SLC25A37: variants seen among roughly 807,000 people sequenced by gnomAD.
The protein encoded by SLC25A37 is mitoferrin-1.
Under a neutral mutation model 31.0 loss-of-function variants are expected in SLC25A37, and 17 were observed. That is an observed-to-expected ratio of 0.55 (90% CI 0.38 to 0.82). The LOEUF (loss-of-function observed/expected upper bound fraction) is 0.82, where lower values mean the gene tolerates loss of function less well. SLC25A37 is among the 40% of genes least tolerant of loss of function. The pLI, the probability that SLC25A37 is intolerant of heterozygous loss-of-function variation, is 0.00. For missense variants in SLC25A37, 404 were observed against 465.8 expected (o/e 0.87, Z 1.22); for synonymous variants, 222 against 193.0 (o/e 1.15, Z -1.24).
intron 1 of SLC25A37, among the ~76,000 whole-genome samples, chr8:23,550,630 C>G (rs182140444): frequency 6.6e-6 from 1 of 152,192 alleles, no homozygotes. Context: ...ACAGCTTACG[C>G]GCAGCTAGGT....
chr8:23,532,243 G>A (rs781496034), intron 1 of SLC25A37, among the ~76,000 whole-genome samples: 1 of 152,318 alleles, frequency 6.6e-6, no homozygotes, highest in African/African-American at 2.4e-5. Flanking sequence ...ATCCATAAAG[G>A]GCCAGTCTAC....
intron 1 of SLC25A37, among the ~76,000 whole-genome samples, chr8:23,550,878 G>T (rs982700650): frequency 2.0e-5 from 3 of 152,244 alleles, no homozygotes; most frequent in East Asian, 3.9e-4. Flanking sequence ...CTCCAGGGCT[G>T]CTGTGGAGCA....
In SLC25A37 at chr8:23,571,585, G is replaced by A. The variant is rs1802841866; in HGVS notation, c.747G>A (p.Ala249=). The A allele has an allele frequency of 1.9e-6, 3 of 1,613,598 alleles. No homozygotes were observed. Among genetic ancestry groups the A allele is most frequent in the African/African-American group, 2.7e-5 (2 of 74,898 alleles). ...ISGGLAGALA[A]AATTPLDVCK... The stretch of plus-strand genomic sequence containing the variant: ...GCGGGCTGGCCGGGGCCCTCGCCGC[G>A]GCCGCCACGACCCCCCTGGACGTCT... Residue 249 remains alanine (A), a synonymous_variant, in exon 4 of 4, where the codon GCG becomes GCA. Coordinates refer to ENST00000519973, the MANE Select transcript of SLC25A37 (RefSeq NM_016612.4).
intron 1 of SLC25A37, among the ~76,000 whole-genome samples, chr8:23,532,400 C>G (rs975815614): frequency 6.6e-6 from 1 of 152,158 alleles, no homozygotes; most frequent in Non-Finnish European, 1.5e-5. Context: ...TTCCATGAGC[C>G]TCTTTCTGGT....
chr8:23,549,148 A>G (rs1585185721), intron 1 of SLC25A37, among the ~76,000 whole-genome samples: 1 of 152,330 alleles, frequency 6.6e-6, no homozygotes, highest in African/African-American at 2.4e-5. Context: ...CAAAGACGAC[A>G]CCTGCTCCCT....
intron 1 of SLC25A37, among the ~76,000 whole-genome samples, chr8:23,545,598 T>G (rs1002779883): frequency 3.1e-4 from 47 of 152,334 alleles, no homozygotes; most frequent in African/African-American, 1.1e-3. Flanking sequence ...AAAATCTCTT[T>G]GCTGGGTGCT....
At chr8:23,546,598 GTGT>G (rs1802070199) in intron 1 of SLC25A37, among the ~76,000 whole-genome samples, 1 of 55,672 alleles carries the variant, frequency 1.8e-5, no homozygotes, top group Non-Finnish European at 2.9e-5. Flanking sequence ...TATATATATA[GTGT>G]ATGTGTGTGT....
chr8:23,570,670 A>G (rs575991490), intron 3 of SLC25A37, among the ~76,000 whole-genome samples: 5 of 152,236 alleles, frequency 3.3e-5, no homozygotes, highest in African/African-American at 1.2e-4. Flanking sequence ...TACAGTCTTT[A>G]TTTGTTTAAA....
In SLC25A37 at chr8:23,571,601, C is replaced by T; in HGVS notation, c.763C>T (p.Leu255=). The change falls in exon 4 of 4, where the codon CTG becomes TTG. Residue 255 remains leucine (L), a synonymous_variant. Coordinates refer to ENST00000519973, the MANE Select transcript of SLC25A37 (RefSeq NM_016612.4). The part of the protein sequence containing the change: ...GALAAAATTP[L]DVCKTLLNTQ... Reference sequence around the variant, plus strand: ...CCTCGCCGCGGCCGCCACGACCCCCCTGGACGTCTGTAAGACCCTTCTGAA... The same window carrying T: ...CCTCGCCGCGGCCGCCACGACCCCCTTGGACGTCTGTAAGACCCTTCTGAA... 1 of 1,613,926 alleles carries T rather than the reference C, an allele frequency of 6.2e-7. No individual in the cohort carries two copies.
At position 23,550,201 on chromosome 8, in the gene SLC25A37, A is replaced by C. The variant is rs13256263; in HGVS notation, c.211-15907A>C. ...CGTTTCAAAAAAAAAAAAAAAAAAA[A>C]CACAAAAAAACAAAAACCCGCTTTG... On this transcript the variant is annotated intron_variant, in intron 1 of 3. Transcript: ENST00000519973. Among the ~76,000 whole-genome samples the C allele has an allele frequency of 2.7e-4, 34 of 127,892 alleles. 3 individuals carry two copies. Among genetic ancestry groups the C allele is most frequent in the South Asian group, 4.9e-4 (2 of 4,070 alleles). The allele number at this position is 127,892 out of a possible 152,430, so 83.9% of individuals were successfully genotyped here.
chr8:23,566,393 C>T (rs770343755), intron 2 of SLC25A37, 57 bp downstream of exon 2: 2 of 1,555,184 alleles, frequency 1.3e-6, no homozygotes, highest in East Asian at 2.3e-5. Context: ...CACGTCCCTC[C>T]CCAGGGTGTT....
chr8:23,571,673 C>T lies in SLC25A37; in HGVS notation c.835C>T (p.Leu279=). Residue 279 remains leucine, a synonymous_variant, in exon 4 of 4, where the codon CTG becomes TTG. Coordinates refer to ENST00000519973, the MANE Select transcript of SLC25A37 (RefSeq NM_016612.4). ...ALSLANISGR[L]SGMANAFRTV... ...CTCGCTGGCCAACATCAGCGGCCGGCTGTCGGGTATGGCCAATGCCTTCCG... is the reference window on the plus strand; with the variant it reads ...CTCGCTGGCCAACATCAGCGGCCGGTTGTCGGGTATGGCCAATGCCTTCCG... 6.2e-7 allele frequency: 1 copy of T among 1,614,030 alleles called. No homozygotes were observed. The highest frequency in any genetic ancestry group is 8.5e-7 in the Non-Finnish European group (1 of 1,179,894).
At chr8:23,570,068 A>T (rs563923035) in intron 3 of SLC25A37, among the ~76,000 whole-genome samples, 1 of 151,702 alleles carries the variant, frequency 6.6e-6, no homozygotes, top group African/African-American at 2.4e-5. Context: ...CAGGGTTGTG[A>T]TGGGGCAGGT....
At chr8:23,533,811 G>A (rs2117381774) in intron 1 of SLC25A37, among the ~76,000 whole-genome samples, 1 of 152,218 alleles carries the variant, frequency 6.6e-6, no homozygotes, top group East Asian at 1.9e-4. Context: ...ACATACCCCT[G>A]TGATCATGGT....
chr8:23,575,263 A>C lies in SLC25A37; in HGVS notation c.*3408A>C, dbSNP rs1949160. The C allele has an allele frequency of 1, 151,635 of 152,308 alleles. 75,487 individuals carry two copies. The highest frequency in any genetic ancestry group is 1 in the Middle Eastern group (294 of 294). The allele number at this position is 152,308 out of a possible 1,614,324, so 9.4% of individuals were successfully genotyped here. A position where few individuals can be genotyped will look rare whatever the true frequency, so the allele number is the denominator to read the frequency against. On this transcript the variant is annotated 3_prime_UTR_variant, in exon 4 of 4. Transcript: ENST00000519973. ...ACTGCTGCTTCCTACCTGCAAGACG[A>C]ACAATGTATGTTTCAAGGGTGAGCA...
intron 3 of SLC25A37, among the ~76,000 whole-genome samples, chr8:23,569,217 T>C (rs1361141225): frequency 6.6e-6 from 1 of 152,140 alleles, no homozygotes; most frequent in East Asian, 1.9e-4. Context: ...TGAGTCGTGA[T>C]TGCACCACTG....
chr8:23,538,317 G>C (rs1056310736), intron 1 of SLC25A37, among the ~76,000 whole-genome samples: 1 of 142,204 alleles, frequency 7.0e-6, no homozygotes, highest in Non-Finnish European at 1.5e-5. Context: ...GGAGGCGGAG[G>C]TTGCAGTGAG....
At position 23,529,313 on chromosome 8, in the gene SLC25A37, C is replaced by G; in HGVS notation, c.210+101C>G. The G allele has an allele frequency of 5.8e-6, 7 of 1,205,026 alleles. No individual in the cohort carries two copies. The highest frequency in any genetic ancestry group is 8.0e-6 in the Non-Finnish European group (7 of 880,394). The allele number at this position is 1,205,026 out of a possible 1,614,324, so 74.6% of individuals were successfully genotyped here. ...GCAGCCTCGGGGCAGCGTCCCGAAA[C>G]CGAGCTCTCCCCAGGACCGCGGCTG... On this transcript the variant is annotated intron_variant, in intron 1 of 3. Transcript: ENST00000519973. The surrounding 1 kb of genome is among the most constrained non-coding windows in gnomAD (Gnocchi z 4.1).
At chr8:23,557,728 G>A (rs1188044204) in intron 1 of SLC25A37, among the ~76,000 whole-genome samples, 1 of 152,232 alleles carries the variant, frequency 6.6e-6, no homozygotes, top group Non-Finnish European at 1.5e-5. Flanking sequence ...GGAAAACAGG[G>A]AGGGGGCTGG....
Sources: allele counts gnomAD v4.1 joint callset (sites outside exome capture counted in the v4.1 genomes callset), GRCh38; gene constraint gnomAD v4.1.1; non-coding constraint Gnocchi (gnomAD v3.1); transcripts MANE v1.5; gene names NCBI Gene and HGNC (gene_info 2026-07-23, HGNC 2026-07-21).